Variants in NFIC observed in about 807,000 individuals in gnomAD.
NFIC encodes the protein nuclear factor 1 C-type.
Under a neutral mutation model 54.4 loss-of-function variants are expected in NFIC, and 12 were observed. That is an observed-to-expected ratio of 0.22 (90% CI 0.14 to 0.36). The LOEUF is 0.36. Among genes scored for constraint, NFIC ranks in the 10% least tolerant of loss-of-function variants. NFIC has a pLI of 1.00. For synonymous variants in NFIC, 322 were observed against 319.2 expected, an observed-to-expected ratio of 1.01 and a Z score of -0.09; for missense variants, 575 against 718.2, an observed-to-expected ratio of 0.80 and a Z score of 2.28.
In NFIC at chr19:3,427,840, AGAAAGAAG is replaced by A. The variant is rs1365916131; in HGVS notation, c.634+2671_634+2678del. On this transcript the variant is annotated intron_variant, in intron 3 of 10. Transcript: ENST00000443272. The stretch of plus-strand genomic sequence containing the variant: ...AAAAAAAAAAAAAAAAAGAAGAAGA[AGAAAGAAG>A]GAAAGAAAGAAAGAAAAGAAAGAGA... Among the ~76,000 whole-genome samples, 5 of 148,900 alleles carry A rather than the reference AGAAAGAAG, an allele frequency of 3.4e-5. No individual in the cohort carries two copies. The Admixed American group carries it at 3.4e-4, about 10-fold the overall frequency.
chr19:3,414,901 A>G (rs1041957455), intron 2 of NFIC, among the ~76,000 whole-genome samples: 1 of 151,908 alleles, frequency 6.6e-6, no homozygotes, highest in African/African-American at 2.4e-5. Context: ...GTGCAATGGC[A>G]TGATCTCGGC....
intron 2 of NFIC, among the ~76,000 whole-genome samples, chr19:3,397,953 G>A (rs920480739): frequency 3.9e-5 from 6 of 152,302 alleles, no homozygotes; most frequent in Admixed American, 3.9e-4. Flanking sequence ...GTTTGACCTT[G>A]GATAAATCCC....
At chr19:3,405,008 C>T (rs1388062988) in intron 2 of NFIC, among the ~76,000 whole-genome samples, 2 of 152,152 alleles carry the variant, frequency 1.3e-5, no homozygotes, top group African/African-American at 2.4e-5. Context: ...TGACCTGACC[C>T]GCAGGACACC....
intron 2 of NFIC, among the ~76,000 whole-genome samples, chr19:3,384,697 G>A (rs937022617): frequency 1.3e-5 from 2 of 152,178 alleles, no homozygotes; most frequent in African/African-American, 2.4e-5. Flanking sequence ...CAGTTACCCA[G>A]TCTTGATCTT....
chr19:3,367,339 C>T (rs1282894937), intron 1 of NFIC, among the ~76,000 whole-genome samples: 1 of 152,318 alleles, frequency 6.6e-6, no homozygotes, highest in Non-Finnish European at 1.5e-5. Context: ...CCGGTATTTT[C>T]GCTGCATCGA....
In NFIC at chr19:3,457,162, G is replaced by A. The variant is rs185068876; in HGVS notation, c.1509+527G>A. 4.5e-4 allele frequency among the ~76,000 whole-genome samples: 68 copies of A among 152,326 alleles called. 2 individuals are homozygous for A. In the East Asian group the frequency reaches 0.011, roughly 24 times the overall value. Reference sequence around the variant, plus strand: ...CAGGCTTCAGCCCACATCTAAGCCAGTGTGAGGAGTCAGGGCGGAGAGGCT... The same window carrying A: ...CAGGCTTCAGCCCACATCTAAGCCAATGTGAGGAGTCAGGGCGGAGAGGCT... On this transcript the variant is annotated intron_variant, in intron 10 of 10. Transcript: ENST00000443272.
intron 6 of NFIC, among the ~76,000 whole-genome samples, chr19:3,444,092 G>A (rs1008872859): frequency 2.2e-5 from 3 of 134,450 alleles, no homozygotes; most frequent in Non-Finnish European, 3.4e-5. Context: ...GGGTGATGAG[G>A]GCCTTTTGTC....
intron 2 of NFIC, among the ~76,000 whole-genome samples, chr19:3,396,359 C>G (rs538791958): frequency 3.3e-5 from 5 of 151,686 alleles, no homozygotes; most frequent in African/African-American, 1.2e-4. Flanking sequence ...GTAGTCCCAG[C>G]TACTCGGGAG....
Position 3,381,852 on chromosome 19 carries a change from C to G in NFIC, c.171C>G (p.Val57=). 8 of 1,613,986 alleles carry G rather than the reference C, an allele frequency of 5.0e-6. No homozygotes were observed. Among genetic ancestry groups the G allele is most frequent in the East Asian group, 2.2e-5 (1 of 44,870 alleles). Residue 57 remains valine, a synonymous_variant, in exon 2 of 11, where the codon GTC becomes GTG. Transcript: ENST00000443272. The part of the protein sequence containing the change: ...KRMSKDEERA[V]KDELLGEKPE... ...TGTCGAAGGACGAGGAGCGTGCGGTCAAGGACGAGCTGCTGGGCGAGAAGC... is the reference window on the plus strand; with the variant it reads ...TGTCGAAGGACGAGGAGCGTGCGGTGAAGGACGAGCTGCTGGGCGAGAAGC...
Position 3,433,895 on chromosome 19 carries a change from C to T in NFIC, c.709+303C>T, listed in dbSNP as rs1240163957. ...TGTCCCAGGAGACCCCAAAGGACCCCGCCCCTCCTGTCCCCTTGCTTTCTC... is the reference window on the plus strand; with the variant it reads ...TGTCCCAGGAGACCCCAAAGGACCCTGCCCCTCCTGTCCCCTTGCTTTCTC... On this transcript the variant is annotated intron_variant, in intron 4 of 10. Coordinates refer to ENST00000443272, the MANE Select transcript of NFIC (RefSeq NM_001245002.2). Among the ~76,000 whole-genome samples, 13 of 152,140 alleles carry T rather than the reference C, an allele frequency of 8.5e-5. No individual in the cohort carries two copies. The East Asian group carries it at 1.7e-3, about 20-fold the overall frequency.
At chr19:3,429,306 C>T (rs1035147285) in intron 3 of NFIC, among the ~76,000 whole-genome samples, 3 of 131,032 alleles carry the variant, frequency 2.3e-5, no homozygotes, top group African/African-American at 8.1e-5. Context: ...TAGCCAAACA[C>T]GGAGGTGCAT....
chr19:3,425,996 G>A (rs1426124733), intron 3 of NFIC, among the ~76,000 whole-genome samples: 1 of 127,350 alleles, frequency 7.9e-6, no homozygotes, highest in African/African-American at 3.0e-5. Flanking sequence ...GTGCAGTGGC[G>A]CGATCTCGGC....
In NFIC at chr19:3,370,839, G is replaced by GC. The variant is rs1648431422; in HGVS notation, c.30+4179dup. 6.6e-6 allele frequency among the ~76,000 whole-genome samples: 1 copy of GC among 151,980 alleles called. No homozygotes were observed. Among genetic ancestry groups the GC allele is most frequent in the Non-Finnish European group, 1.5e-5 (1 of 67,990 alleles). On this transcript the variant is annotated intron_variant, in intron 1 of 10. Transcript: ENST00000443272. This position sits in a 1 kb window ranked among gnomAD's most constrained non-coding sequence, Gnocchi z 5.2. Reference sequence around the variant, plus strand: ...GGGCCTCCTGCCCCGGACACGGCCCGCCCCCCACTCTCCTGCCTGTGTCCA... The same window carrying GC: ...GGGCCTCCTGCCCCGGACACGGCCCGCCCCCCCACTCTCCTGCCTGTGTCCA...
intron 3 of NFIC, among the ~76,000 whole-genome samples, chr19:3,426,153 T>G (rs949210161): frequency 6.6e-6 from 1 of 151,162 alleles, no homozygotes; most frequent in African/African-American, 2.4e-5. Context: ...CAGGCTGGTC[T>G]CAAACTCCTG....
At chr19:3,407,067 A>G (rs550723464) in intron 2 of NFIC, among the ~76,000 whole-genome samples, 142 of 151,814 alleles carry the variant, frequency 9.4e-4, no homozygotes, top group African/African-American at 3.2e-3. Context: ...CTTGAGCGCC[A>G]TGGGGAGATG....
At chr19:3,429,590 C>G (rs1226587550) in intron 3 of NFIC, among the ~76,000 whole-genome samples, 2 of 152,080 alleles carry the variant, frequency 1.3e-5, no homozygotes, top group Non-Finnish European at 2.9e-5. Flanking sequence ...AATTCTGTCT[C>G]TAAAAAAGAA....
Position 3,384,810 on chromosome 19 carries a change from G to A in NFIC, c.562+2567G>A, listed in dbSNP as rs558684433. Among the ~76,000 whole-genome samples the A allele has an allele frequency of 3.3e-5, 5 of 152,184 alleles. No individual in the cohort carries two copies. In the South Asian group the frequency reaches 6.2e-4, roughly 19 times the overall value. On this transcript the variant is annotated intron_variant, in intron 2 of 10. Coordinates refer to ENST00000443272, the MANE Select transcript of NFIC (RefSeq NM_001245002.2). ...GTGAGGGGGCACTGGGGACGGTGGG[G>A]GCAGAGAGGTGGGCCGGGTGACTGC...
At position 3,382,137 on chromosome 19, in the gene NFIC, C is replaced by G. The variant is rs771802690; in HGVS notation, c.456C>G (p.Val152=). 1.9e-5 allele frequency: 30 copies of G among 1,613,350 alleles called. No homozygotes were observed. The highest frequency in any genetic ancestry group is 2.5e-5 in the Non-Finnish European group (29 of 1,179,962). Residue 152 remains valine, a synonymous_variant, in exon 2 of 11, where the codon GTC becomes GTG. Coordinates refer to ENST00000443272, the MANE Select transcript of NFIC (RefSeq NM_001245002.2). ...AGAGCACCGACGGCGAGCGCCTGGTCAAGGCTGCGCAGTGCGGTCACCCGG... is the reference window on the plus strand; with the variant it reads ...AGAGCACCGACGGCGAGCGCCTGGTGAAGGCTGCGCAGTGCGGTCACCCGG... ...PLESTDGERL[V]KAAQCGHPVL...
intron 2 of NFIC, among the ~76,000 whole-genome samples, chr19:3,407,012 G>A (rs932144178): frequency 1.3e-5 from 2 of 150,016 alleles, no homozygotes; most frequent in South Asian, 2.1e-4. Context: ...AGAGAGGGAC[G>A]AGGGGAGGAG....
Sources: gnomAD v4.1 joint callset for allele counts (sites outside exome capture counted in the v4.1 genomes callset) on GRCh38, gnomAD v4.1.1 for gene constraint, Gnocchi (gnomAD v3.1) non-coding constraint, MANE v1.5 for transcripts, NCBI Gene and HGNC (gene_info 2026-07-23, HGNC 2026-07-21) for gene names.